Variants in NARS2 observed in about 807,000 individuals in gnomAD.
The protein encoded by NARS2 is asparaginyl-tRNA synthetase 2, mitochondrial.
NARS2 carries 60 observed loss-of-function variants against 62.9 expected under a neutral mutation model. The ratio of observed to expected loss-of-function variants is 0.95; its 90% confidence interval spans 0.77 to 1.18. The LOEUF (loss-of-function observed/expected upper bound fraction) is 1.18, where lower values mean the gene tolerates loss of function less well. Ranked by LOEUF, NARS2 falls within the 50% of genes most tolerant of loss-of-function variation. NARS2 has a pLI of 0.00. For synonymous variants in NARS2, 196 were observed against 200.0 expected (o/e 0.98, Z 0.17); for missense variants, 619 against 576.4 (o/e 1.07, Z -0.76).
At chr11:78,528,044 A>G (rs1861352104) in intron 6 of NARS2, among the ~76,000 whole-genome samples, 1 of 152,132 alleles carries the variant, frequency 6.6e-6, no homozygotes, top group Non-Finnish European at 1.5e-5. Context: ...CTAGAGTTTG[A>G]GATCAGCCTT....
intron 3 of NARS2, among the ~76,000 whole-genome samples, chr11:78,568,139 G>T (rs915073315): frequency 2.5e-4 from 38 of 152,156 alleles, no homozygotes; most frequent in African/African-American, 8.9e-4. Flanking sequence ...GTGATAAATG[G>T]AAATATTCTG....
rs755975670 is a variant in NARS2, at chr11:78,478,449, GT to G, written c.947del (p.Asn316ThrfsTer4). On this transcript the variant is annotated frameshift_variant, in exon 9 of 14. Coordinates refer to ENST00000281038, the MANE Select transcript of NARS2 (RefSeq NM_024678.6). LOFTEE classifies it high-confidence loss of function. ...TAACATCTACTTACATTAAAAAGTT[GT>G]TTTTTAGCATATGTTCTAATCTGTC... The part of the protein sequence containing the change: ...QKDRLEHMLK[N>X]NFLIISYTEA... 36 of 1,087,184 alleles carry G rather than the reference GT, an allele frequency of 3.3e-5. 1 individual carries two copies. Among genetic ancestry groups the G allele is most frequent in the Non-Finnish European group, 4.3e-5 (33 of 773,092 alleles). The allele number at this position is 1,087,184 out of a possible 1,614,324, so 67.3% of individuals were successfully genotyped here. A position where few individuals can be genotyped will look rare whatever the true frequency, so the allele number is the denominator to read the frequency against.
chr11:78,476,760 C>A (rs1005356501), intron 9 of NARS2, among the ~76,000 whole-genome samples: 1 of 152,010 alleles, frequency 6.6e-6, no homozygotes, highest in African/African-American at 2.4e-5. Context: ...ATTTTCCAAC[C>A]TTAACATTTT....
At chr11:78,546,723 T>C (rs957259405) in intron 5 of NARS2, 2 of 152,198 alleles carry the variant, frequency 1.3e-5, no homozygotes, top group Non-Finnish European at 2.9e-5. Flanking sequence ...CAATTTGCCT[T>C]TCTGAAAGGT....
At chr11:78,479,500 A>ATCCTG (rs1426402610) in intron 7 of NARS2, among the ~76,000 whole-genome samples, 1 of 152,168 alleles carries the variant, frequency 6.6e-6, no homozygotes, top group Non-Finnish European at 1.5e-5. Context: ...ACAGAGTGAG[A>ATCCTG]TCCTGTCTCA....
chr11:78,443,997 G>A, intron 11 of NARS2: 3 of 267,130 alleles, frequency 1.1e-5, no homozygotes, highest in Non-Finnish European at 2.1e-5. Flanking sequence ...ATAAAAATGT[G>A]GATAGTGTTA....
chr11:78,533,297 C>CT (rs1861546815), intron 5 of NARS2: 2 of 152,198 alleles, frequency 1.3e-5, no homozygotes, highest in African/African-American at 4.8e-5. Flanking sequence ...TGAAGCACTA[C>CT]TTTAAGGTAG....
rs1590865106 is a variant in NARS2 at position 78,559,636 on chromosome 11, C to G, written c.514-17G>C. The G allele has an allele frequency of 6.5e-7, 1 of 1,546,306 alleles. No homozygotes were observed. ...GCCACTGTCCTGAAAAAGAAAACCA[C>G]TGTTTTCAGGATATTTGCACATTCA... On this transcript the variant is annotated splice_polypyrimidine_tract_variant and intron_variant, in intron 4 of 13. Coordinates refer to ENST00000281038, the MANE Select transcript of NARS2 (RefSeq NM_024678.6).
intron 11 of NARS2, among the ~76,000 whole-genome samples, chr11:78,461,783 CAAAAAAA>C (rs56753439): frequency 5.3e-4 from 49 of 93,128 alleles, no homozygotes; most frequent in Middle Eastern, 5.4e-3. Flanking sequence ...GTACCCACTA[CAAAAAAA>C]AAAAAAAAAA....
At chr11:78,502,689 A>T (rs1860326525) in intron 6 of NARS2, among the ~76,000 whole-genome samples, 1 of 152,144 alleles carries the variant, frequency 6.6e-6, no homozygotes, top group Admixed American at 6.5e-5. Flanking sequence ...GCCACAACAC[A>T]TTTTTTAAAA....
intron 5 of NARS2, among the ~76,000 whole-genome samples, chr11:78,541,333 CTTTT>C (rs748977121): frequency 1.2e-3 from 174 of 141,794 alleles, no homozygotes; most frequent in Middle Eastern, 7.2e-3. Flanking sequence ...AGTCATGTCA[CTTTT>C]TTTTTTTTTT....
chr11:78,467,959 T>C (rs892828581), intron 10 of NARS2, among the ~76,000 whole-genome samples: 2 of 151,666 alleles, frequency 1.3e-5, no homozygotes, highest in Non-Finnish European at 2.9e-5. Flanking sequence ...CAATCCTACC[T>C]TGGCCTCTTA....
chr11:78,545,786 C>T (rs1332240066), intron 5 of NARS2, among the ~76,000 whole-genome samples: 1 of 152,052 alleles, frequency 6.6e-6, no homozygotes, highest in Non-Finnish European at 1.5e-5. Context: ...TATACGCCTG[C>T]CTTGGCCTAC....
chr11:78,557,016 T>C (rs760004734), intron 5 of NARS2, among the ~76,000 whole-genome samples: 1 of 152,196 alleles, frequency 6.6e-6, no homozygotes, highest in Non-Finnish European at 1.5e-5. Context: ...CAAATGTCCG[T>C]TAATAACGAA....
At chr11:78,482,133 T>C (rs1859380892) in intron 7 of NARS2, among the ~76,000 whole-genome samples, 1 of 152,124 alleles carries the variant, frequency 6.6e-6, no homozygotes, top group Admixed American at 6.6e-5. Flanking sequence ...TCAAAAGAAA[T>C]ATTAATAATT....
chr11:78,447,375 A>C (rs538289344), intron 11 of NARS2, among the ~76,000 whole-genome samples: 11 of 152,170 alleles, frequency 7.2e-5, no homozygotes, highest in Non-Finnish European at 1.6e-4. Context: ...GATACAGAGA[A>C]AAGGAACTCT....
chr11:78,554,504 T>TGTGC (rs1856261075), intron 5 of NARS2, among the ~76,000 whole-genome samples: 1 of 131,824 alleles, frequency 7.6e-6, no homozygotes, highest in Non-Finnish European at 1.6e-5. Flanking sequence ...CCTAGGCGTG[T>TGTGC]GTGCGTGTGT....
intron 7 of NARS2, among the ~76,000 whole-genome samples, chr11:78,481,604 A>C (rs1859357540): frequency 6.6e-6 from 1 of 152,172 alleles, no homozygotes; most frequent in Non-Finnish European, 1.5e-5. Context: ...CTTGACATTC[A>C]CAATATACTC....
intron 6 of NARS2, among the ~76,000 whole-genome samples, chr11:78,524,683 G>T (rs969354539): frequency 2.0e-5 from 3 of 150,884 alleles, no homozygotes; most frequent in African/African-American, 7.3e-5. Flanking sequence ...GCTTTCTCTA[G>T]TTTAAAAAAA....
Sources: gnomAD v4.1 joint callset for allele counts (sites outside exome capture counted in the v4.1 genomes callset) on GRCh38, gnomAD v4.1.1 for gene constraint, MANE v1.5 for transcripts, NCBI Gene and HGNC (gene_info 2026-07-23, HGNC 2026-07-21) for gene names.